Variants in EYS observed in about 807,000 individuals in gnomAD.
EYS encodes protein eyes shut homolog.
EYS carries 250 observed loss-of-function variants against 282.1 expected under a neutral mutation model. The ratio of observed to expected loss-of-function variants is 0.89; its 90% CI spans 0.80 to 0.98. The LOEUF is 0.98. Ranked by LOEUF, EYS falls within the 50% of genes least tolerant of loss-of-function variation. The probability of loss-of-function intolerance (pLI) is 0.00; values close to 1 mark genes in which losing one functional copy is unlikely to be tolerated. For missense variants in EYS, 4,016 were observed against 3,709.0 expected, an observed-to-expected ratio of 1.08 and a Z score of -2.15; for synonymous variants, 1,355 against 1,282.9, an observed-to-expected ratio of 1.06 and a Z score of -1.20.
At chr6:63,869,929 C>G (rs1197988597) in intron 35 of EYS, among the ~76,000 whole-genome samples, 1 of 152,110 alleles carries the variant, frequency 6.6e-6, no homozygotes, top group African/African-American at 2.4e-5. Context: ...TAAAAAAAAT[C>G]TCAGGATCTT....
rs541896465 is a variant in EYS, at chr6:63,738,095, T to G, written c.8072-11415A>C. Among the ~76,000 whole-genome samples the G allele has an allele frequency of 5.9e-5, 9 of 152,244 alleles. No individual in the cohort carries two copies. The East Asian group carries it at 1.5e-3, about 26-fold the overall frequency. The stretch of plus-strand genomic sequence containing the variant: ...TAAAAAGTCAGGAAACAACAGGTGC[T>G]GGAGAGGATGTGGAGAAATAGGAAC... On this transcript the variant is annotated intron_variant, in intron 41 of 42. Coordinates refer to ENST00000503581, the MANE Select transcript of EYS (RefSeq NM_001142800.2).
intron 24 of EYS, among the ~76,000 whole-genome samples, chr6:64,614,553 G>A (rs925637942): frequency 4.6e-5 from 7 of 152,018 alleles, no homozygotes; most frequent in Non-Finnish European, 8.8e-5. Context: ...ATGAAAACAC[G>A]TATACAGATG....
chr6:65,033,481 CT>C (rs35332805), intron 13 of EYS, among the ~76,000 whole-genome samples: 1 of 152,178 alleles, frequency 6.6e-6, no homozygotes, highest in African/African-American at 2.4e-5. Context: ...TCACAAGGCC[CT>C]TTTGAAGTTG....
chr6:64,640,206 A>G (rs1031080287), intron 22 of EYS, among the ~76,000 whole-genome samples: 10 of 146,196 alleles, frequency 6.8e-5, no homozygotes, highest in African/African-American at 2.5e-4. Context: ...TGACCCAGCC[A>G]TCCCATTACT....
At chr6:65,084,898 G>A (rs1460105836) in intron 12 of EYS, among the ~76,000 whole-genome samples, 1 of 152,086 alleles carries the variant, frequency 6.6e-6, no homozygotes, top group Non-Finnish European at 1.5e-5. Flanking sequence ...ATAAGAAAGA[G>A]GGTGTGTTGC....
chr6:64,091,247 C>G (rs921238906), intron 31 of EYS, among the ~76,000 whole-genome samples: 3 of 152,078 alleles, frequency 2.0e-5, no homozygotes, highest in Admixed American at 1.3e-4. Context: ...ACATTTATCC[C>G]TTTCAGAGAA....
intron 31 of EYS, among the ~76,000 whole-genome samples, chr6:64,096,726 T>C (rs534834148): frequency 6.6e-6 from 1 of 152,318 alleles, no homozygotes; most frequent in East Asian, 1.9e-4. Context: ...TGTAGTTTGA[T>C]CGTCTGAAGC....
intron 29 of EYS, among the ~76,000 whole-genome samples, chr6:64,353,729 T>G (rs1422211184): frequency 1.3e-5 from 2 of 151,572 alleles, no homozygotes; most frequent in East Asian, 2.0e-4. Context: ...GGAAAGAAGT[T>G]AATAAAAGTG....
chr6:65,194,069 C>G (rs1765706763), intron 12 of EYS, among the ~76,000 whole-genome samples: 1 of 151,782 alleles, frequency 6.6e-6, no homozygotes, highest in South Asian at 2.1e-4. Context: ...CTCTTTTCGC[C>G]CATAAACTTT....
chr6:64,164,037 TCAGA>T (rs1775191357), intron 31 of EYS, among the ~76,000 whole-genome samples: 1 of 152,106 alleles, frequency 6.6e-6, no homozygotes, highest in African/African-American at 2.4e-5. Flanking sequence ...GTGTTGACTC[TCAGA>T]CAATGTTTCT....
intron 2 of EYS, among the ~76,000 whole-genome samples, chr6:65,565,611 G>T (rs1769249135): frequency 6.6e-6 from 1 of 152,000 alleles, no homozygotes; most frequent in African/African-American, 2.4e-5. Flanking sequence ...TATACCCAAA[G>T]GATTATATAT....
In EYS at chr6:64,390,130, C is replaced by T. The variant is rs560957295; in HGVS notation, c.5928-1290G>A. On this transcript the variant is annotated intron_variant, in intron 28 of 42. Coordinates refer to ENST00000503581, the MANE Select transcript of EYS (RefSeq NM_001142800.2). ...CCTGGCTCCGAGGGTCCTACGCCCA[C>T]GGAGTCTCGCTGATTGCTAGCACAG... Among the ~76,000 whole-genome samples the T allele has an allele frequency of 4.3e-3, 647 of 152,184 alleles. 5 individuals are homozygous for T. The highest frequency in any genetic ancestry group is 0.015 in the African/African-American group (607 of 41,518).
chr6:64,738,351 A>T (rs144138075), intron 22 of EYS, among the ~76,000 whole-genome samples: 1 of 152,288 alleles, frequency 6.6e-6, no homozygotes, highest in African/African-American at 2.4e-5. Context: ...TCCTTGTGTG[A>T]CAGGTCTGTT....
intron 5 of EYS, among the ~76,000 whole-genome samples, chr6:65,450,981 C>T (rs1293357879): frequency 6.6e-6 from 1 of 152,130 alleles, no homozygotes; most frequent in Non-Finnish European, 1.5e-5. Flanking sequence ...GTCAGAGATA[C>T]TGCTGTATAT....
chr6:65,143,708 T>C (rs1764406779), intron 12 of EYS, among the ~76,000 whole-genome samples: 1 of 152,078 alleles, frequency 6.6e-6, no homozygotes. Context: ...ATTAGATATA[T>C]TTCCTCTGTG....
chr6:65,417,157 T>A (rs1433122770), intron 5 of EYS, among the ~76,000 whole-genome samples: 3 of 151,944 alleles, frequency 2.0e-5, no homozygotes, highest in Non-Finnish European at 4.4e-5. Flanking sequence ...GTAGTAGTAT[T>A]CATTGTAAAG....
At chr6:63,952,430 A>G (rs1186303653) in intron 35 of EYS, among the ~76,000 whole-genome samples, 1 of 152,192 alleles carries the variant, frequency 6.6e-6, no homozygotes, top group Non-Finnish European at 1.5e-5. Context: ...GTGGAGGGTA[A>G]GTCGGTCCCC....
intron 19 of EYS, among the ~76,000 whole-genome samples, chr6:64,874,325 T>C (rs1285667995): frequency 6.6e-6 from 1 of 152,096 alleles, no homozygotes. Flanking sequence ...AGAGGTAGAA[T>C]TTCATTGTAT....
intron 26 of EYS, among the ~76,000 whole-genome samples, chr6:64,506,533 C>G (rs1777210840): frequency 6.6e-6 from 1 of 151,996 alleles, no homozygotes; most frequent in Admixed American, 6.6e-5. Context: ...TTTATTAGTC[C>G]CTCATAGCAC....
Sources: gnomAD v4.1 joint callset for allele counts (sites outside exome capture counted in the v4.1 genomes callset) on GRCh38, gnomAD v4.1.1 for gene constraint, MANE v1.5 for transcripts, NCBI Gene and HGNC (gene_info 2026-07-23, HGNC 2026-07-21) for gene names.